The following HNRNPH3 variants were observed in gnomAD, a reference collection of about 807,000 sequenced individuals.
The protein encoded by HNRNPH3 is heterogeneous nuclear ribonucleoprotein 2H9.
Under a neutral mutation model 47.0 loss-of-function variants are expected in HNRNPH3, and 7 were observed. The ratio of observed to expected loss-of-function variants is 0.15; its 90% CI spans 0.08 to 0.28. HNRNPH3 has a LOEUF of 0.28. HNRNPH3 is among the 10% of genes least tolerant of loss of function. HNRNPH3 has a pLI of 1.00. For missense variants in HNRNPH3, 279 were observed against 449.6 expected, an observed-to-expected ratio of 0.62 and a Z score of 3.43; for synonymous variants, 120 against 143.2, an observed-to-expected ratio of 0.84 and a Z score of 1.16.
At chr10:68,339,617 C>A in intron 6 of HNRNPH3, 62 bp downstream of exon 6, 1 of 1,013,356 alleles carries the variant, frequency 9.9e-7, no homozygotes. Flanking sequence ...AATCTTTAAG[C>A]ATTCTTAATG....
intron 1 of HNRNPH3, among the ~76,000 whole-genome samples, chr10:68,333,877 G>A (rs527836632): frequency 6.6e-6 from 1 of 152,292 alleles, no homozygotes; most frequent in South Asian, 2.1e-4. Context: ...ATCTTACCTT[G>A]AAACAGTAGG....
At chr10:68,332,606 G>A (rs1018058363) in intron 1 of HNRNPH3, among the ~76,000 whole-genome samples, 5 of 152,194 alleles carry the variant, frequency 3.3e-5, no homozygotes, top group African/African-American at 4.8e-5. Flanking sequence ...GCCAGGGGAG[G>A]GGGTGGTCAA....
intron 4 of HNRNPH3, 47 bp from the exon 5 acceptor site, chr10:68,339,093 T>G (rs748977646): frequency 1.4e-6 from 2 of 1,396,646 alleles, no homozygotes; most frequent in Admixed American, 4.3e-5. Flanking sequence ...TTATAAAATT[T>G]ATCTCTGGAA....
intron 3 of HNRNPH3, 159 bp downstream of exon 3, chr10:68,338,155 G>C (rs577707988): frequency 1.9e-6 from 1 of 528,442 alleles, no homozygotes; most frequent in East Asian, 2.9e-5. Context: ...TTTGGGTGGG[G>C]AATTAATGCT....
In HNRNPH3 at chr10:68,338,321, C is replaced by A. The variant is rs562208492; in HGVS notation, c.252-182C>A. On this transcript the variant is annotated intron_variant, in intron 3 of 9. Transcript: ENST00000265866. ...ATGAATTGTTTTCCGTGACTAATTTCTTTGTAAAACTTAAATATTTAATTA... is the reference window on the plus strand; with the variant it reads ...ATGAATTGTTTTCCGTGACTAATTTATTTGTAAAACTTAAATATTTAATTA... The A allele has an allele frequency of 8.7e-6, 4 of 459,898 alleles. No individual in the cohort carries two copies. The East Asian group carries it at 1.3e-4, about 15-fold the overall frequency. 28.5% of individuals were successfully genotyped at this position (459,898 alleles called of 1,614,324 possible).
At chr10:68,331,930 C>T (rs538054609), upstream of HNRNPH3, 1 of 152,456 alleles carries the variant, frequency 6.6e-6, no homozygotes, top group African/African-American at 2.4e-5. Context: ...CAACCCACCA[C>T]CGCGCAGGCG....
chr10:68,342,040 C>T lies in HNRNPH3; in HGVS notation c.1027C>T (p.Arg343Cys), dbSNP rs1341725930. The change falls in exon 10 of 10, where the codon CGT becomes TGT. Residue 343 changes from arginine (R) to cysteine (C), a missense_variant. Physicochemically the swap from Arg to Cys is radical, Grantham distance 180 (BLOSUM62 -3). Transcript: ENST00000265866. ...AGGCGGCATGAGTGGAGGTGGATGG[C>T]GTGGGATGTACTGAAAGCAAAAACA... ...GQGGMSGGGW[R>C]GMY 2.5e-6 allele frequency: 4 copies of T among 1,613,304 alleles called. No homozygotes were observed. Among genetic ancestry groups the T allele is most frequent in the Middle Eastern group, 1.7e-4 (1 of 5,892 alleles).
chr10:68,339,483 A>AGGTTTTCATGGT lies in HNRNPH3; in HGVS notation c.571_582dup (p.Phe191_Gly194dup), dbSNP rs1564753338. The AGGTTTTCATGGT allele has an allele frequency of 6.2e-7, 1 of 1,613,960 alleles. No homozygotes were observed. Among genetic ancestry groups the AGGTTTTCATGGT allele is most frequent in the Non-Finnish European group, 8.5e-7 (1 of 1,179,962 alleles). ...ATGGTGGAGCTGGTGATGCAAGTTC[A>AGGTTTTCATGGT]GGTTTTCATGGTGGTCATTTCGTAC... On this transcript the variant is annotated inframe_insertion, in exon 6 of 10. Coordinates refer to ENST00000265866, the MANE Select transcript of HNRNPH3 (RefSeq NM_012207.3).
chr10:68,339,473 A>G lies in HNRNPH3; in HGVS notation c.557A>G (p.Asp186Gly). 1 of 1,614,064 alleles carries G rather than the reference A, an allele frequency of 6.2e-7. No homozygotes were observed. Among genetic ancestry groups the G allele is most frequent in the Non-Finnish European group, 8.5e-7 (1 of 1,179,970 alleles). Residue 186 changes from aspartate to glycine, a missense_variant, in exon 6 of 10, where the codon GAT (aspartate) becomes GGT (glycine). Physicochemically the swap from Asp to Gly is moderately conservative, Grantham distance 94 (BLOSUM62 -1). Coordinates refer to ENST00000265866, the MANE Select transcript of HNRNPH3 (RefSeq NM_012207.3). ...MGGHGYGGAG[D>G]ASSGFHGGHF... is the part of the protein sequence containing the mutation. The stretch of plus-strand genomic sequence containing the variant: ...GGACATGGCTATGGTGGAGCTGGTG[A>G]TGCAAGTTCAGGTTTTCATGGTGGT...
rs1564760000 is a variant in HNRNPH3, at chr10:68,342,753, T to C, written c.*699T>C. 1 of 152,558 alleles carries C rather than the reference T, an allele frequency of 6.6e-6. No homozygotes were observed. Among genetic ancestry groups the C allele is most frequent in the Non-Finnish European group, 1.5e-5 (1 of 68,030 alleles). 9.5% of individuals were successfully genotyped at this position (152,558 alleles called of 1,614,324 possible). A position where few individuals can be genotyped will look rare whatever the true frequency, so the allele number is the denominator to read the frequency against. ...AATACCAAAAATGTCTCCAAAAAAT[T>C]GATAGTTGCAGGTTATCGCAAGATG... On this transcript the variant is annotated 3_prime_UTR_variant, in exon 10 of 10. Coordinates refer to ENST00000265866, the MANE Select transcript of HNRNPH3 (RefSeq NM_012207.3).
chr10:68,340,452 T>C (rs2045833880), intron 6 of HNRNPH3, among the ~76,000 whole-genome samples: 1 of 152,244 alleles, frequency 6.6e-6, no homozygotes, highest in Non-Finnish European at 1.5e-5. Context: ...TTGTCACTGA[T>C]GTGAAACTGG....
rs2045916656 is a variant in HNRNPH3, at chr10:68,341,290, T to C, written c.756T>C (p.Ser252=). Residue 252 remains serine (S), a synonymous_variant, in exon 7 of 10, where the codon TCT becomes TCC. Coordinates refer to ENST00000265866, the MANE Select transcript of HNRNPH3 (RefSeq NM_012207.3). ...VTHEDAVAAM[S]KDKNNMQHRY... ...ATGAAGATGCAGTAGCTGCCATGTC[T>C]AAAGATAAAAATAACATGCGTAAGT... is the stretch of plus-strand genomic sequence containing the variant. 1 of 1,600,734 alleles carries C rather than the reference T, an allele frequency of 6.2e-7. No individual in the cohort carries two copies. The highest frequency in any genetic ancestry group is 1.7e-4 in the Middle Eastern group (1 of 6,052).
rs1345258200 is a variant in HNRNPH3 at position 68,342,810 on chromosome 10, C to G, written c.*756C>G. Reference sequence around the variant, plus strand: ...AGTAGGGTTAAGGTTCTCAGTGACACAAGAATTCAGTATTAAGTACATAGG... The same window carrying G: ...AGTAGGGTTAAGGTTCTCAGTGACAGAAGAATTCAGTATTAAGTACATAGG... On this transcript the variant is annotated 3_prime_UTR_variant, in exon 10 of 10. Coordinates refer to ENST00000265866, the MANE Select transcript of HNRNPH3 (RefSeq NM_012207.3). The G allele has an allele frequency of 6.6e-6, 1 of 152,466 alleles. No individual in the cohort carries two copies. Among genetic ancestry groups the G allele is most frequent in the African/African-American group, 2.4e-5 (1 of 41,396 alleles). 9.4% of individuals were successfully genotyped at this position (152,466 alleles called of 1,614,324 possible).
At position 68,337,608 on chromosome 10, in the gene HNRNPH3, T is replaced by G; in HGVS notation, c.113-250T>G. 1.9e-6 allele frequency: 1 copy of G among 528,152 alleles called. No homozygotes were observed. The highest frequency in any genetic ancestry group is 3.3e-6 in the Non-Finnish European group (1 of 298,546). The allele number at this position is 528,152 out of a possible 1,614,324, so 32.7% of individuals were successfully genotyped here. A position where few individuals can be genotyped will look rare whatever the true frequency, so the allele number is the denominator to read the frequency against. ...GAGCATATATTTGATTTTGTAGCCT[T>G]TTTTCATGTAATATAGGTGGGCTTT... On this transcript the variant is annotated intron_variant, in intron 2 of 9. Coordinates refer to ENST00000265866, the MANE Select transcript of HNRNPH3 (RefSeq NM_012207.3). This position sits in a 1 kb window ranked among gnomAD's most constrained non-coding sequence, Gnocchi z 4.5.
intron 7 of HNRNPH3, 29 bp from the exon 8 acceptor site, chr10:68,341,556 C>T: frequency 1.4e-6 from 2 of 1,420,700 alleles, no homozygotes; most frequent in Non-Finnish European, 2.0e-6. Flanking sequence ...TTCCTTTCTC[C>T]CCTGTTACTC....
intron 6 of HNRNPH3, among the ~76,000 whole-genome samples, chr10:68,340,704 A>G (rs959314049): frequency 2.0e-5 from 3 of 152,194 alleles, no homozygotes; most frequent in Admixed American, 6.5e-5. Flanking sequence ...GAACCAAATG[A>G]TATCTTTTGG....
At chr10:68,338,958 T>C (rs772721730) in intron 4 of HNRNPH3, 182 bp from the exon 5 acceptor site, 1 of 546,088 alleles carries the variant, frequency 1.8e-6, no homozygotes, top group Non-Finnish European at 3.1e-6. Flanking sequence ...CTGAACTTAA[T>C]TAACTTTCTG....
Position 68,341,091 on chromosome 10 carries a change from AT to A in HNRNPH3, c.640-81del. On this transcript the variant is annotated intron_variant, in intron 6 of 9. Transcript: ENST00000265866. ...CAGGGCAGTGGAAGGGTTTGTTTTA[AT>A]TGATGAGGAAAAATCAAGGTATGTG... 3 of 983,296 alleles carry A rather than the reference AT, an allele frequency of 3.1e-6. No individual in the cohort carries two copies. The South Asian group carries it at 5.1e-5, about 17-fold the overall frequency. 60.9% of individuals were successfully genotyped at this position (983,296 alleles called of 1,614,324 possible).
chr10:68,341,388 AC>A, intron 7 of HNRNPH3, 79 bp downstream of exon 7: 1 of 1,444,374 alleles, frequency 6.9e-7, no homozygotes, highest in Non-Finnish European at 9.5e-7. Context: ...TCTGTAGGTA[AC>A]GCTTGGCAGT....
Sources: gnomAD v4.1 joint callset for allele counts (sites outside exome capture counted in the v4.1 genomes callset) on GRCh38, gnomAD v4.1.1 for gene constraint, Gnocchi (gnomAD v3.1) non-coding constraint, MANE v1.5 for transcripts, NCBI Gene and HGNC (gene_info 2026-07-23, HGNC 2026-07-21) for gene names.